Variants in PDE4D observed in about 807,000 individuals in gnomAD.
PDE4D encodes phosphodiesterase 4D.
In PDE4D, 24 loss-of-function variants were observed where a neutral mutation model predicts 87.4. The observed-to-expected ratio is 0.27, with a 90% confidence interval of 0.20 to 0.39. PDE4D has a LOEUF of 0.39. Ranked by LOEUF, PDE4D falls within the 10% of genes least tolerant of loss-of-function variation. PDE4D has a pLI of 1.00. For missense variants in PDE4D, 714 were observed against 1,041.0 expected, an observed-to-expected ratio of 0.69 and a Z score of 4.32; for synonymous variants, 384 against 383.2, an observed-to-expected ratio of 1.00 and a Z score of -0.02.
chr5:59,680,408 A>G (rs1223586823), intron 1 of PDE4D, among the ~76,000 whole-genome samples: 4 of 152,164 alleles, frequency 2.6e-5, no homozygotes, highest in Non-Finnish European at 5.9e-5. Context: ...AAATGGTGCT[A>G]GAGATTTCTT....
chr5:60,120,765 A>C (rs1778604205), intron 2 of PDE4D, among the ~76,000 whole-genome samples: 1 of 152,158 alleles, frequency 6.6e-6, no homozygotes, highest in Non-Finnish European at 1.5e-5. Context: ...AACCTGCAGC[A>C]ACGGTTGGGT....
intron 3 of PDE4D, among the ~76,000 whole-genome samples, chr5:59,961,462 C>T (rs138821847): frequency 6.6e-6 from 1 of 152,090 alleles, no homozygotes; most frequent in Non-Finnish European, 1.5e-5. Context: ...CCCTACAGCA[C>T]CTTGATTTTG....
intron 4 of PDE4D, among the ~76,000 whole-genome samples, chr5:59,183,394 T>C (rs72764091): frequency 0.058 from 8,861 of 152,262 alleles, 342 homozygotes; most frequent in Middle Eastern, 0.095. Flanking sequence ...GTATGTCAGC[T>C]GAAAACTTCT....
intron 1 of PDE4D, among the ~76,000 whole-genome samples, chr5:60,395,346 T>C (rs534261206): frequency 2.6e-5 from 4 of 152,262 alleles, no homozygotes; most frequent in Non-Finnish European, 5.9e-5. Context: ...TTATTTAAGA[T>C]GGCCCATTCA....
At chr5:59,185,444 C>T (rs1259197294) in intron 3 of PDE4D, among the ~76,000 whole-genome samples, 182 bp from the exon 4 acceptor site, 1 of 152,138 alleles carries the variant, frequency 6.6e-6, no homozygotes, top group Non-Finnish European at 1.5e-5. Flanking sequence ...GGCCAGACTG[C>T]AGAAATTTTC....
chr5:59,103,733 C>A (rs1203186968), intron 5 of PDE4D, among the ~76,000 whole-genome samples: 4 of 152,192 alleles, frequency 2.6e-5, no homozygotes, highest in Non-Finnish European at 5.9e-5. Flanking sequence ...TGGAACAGAT[C>A]ATTAGACTGA....
chr5:60,264,785 C>T (rs767867557), intron 1 of PDE4D, among the ~76,000 whole-genome samples: 1 of 152,108 alleles, frequency 6.6e-6, no homozygotes, highest in African/African-American at 2.4e-5. Flanking sequence ...ACGTGCACAC[C>T]CTGCTCACAC....
At chr5:59,541,803 TTCCTGAAAGAA>T (rs1372994975) in intron 1 of PDE4D, among the ~76,000 whole-genome samples, 1 of 152,170 alleles carries the variant, frequency 6.6e-6, no homozygotes, top group Non-Finnish European at 1.5e-5. Flanking sequence ...TCAGCCTGAG[TTCCTGAAAGAA>T]TCCTGCCAGG....
At chr5:60,438,070 A>G (rs1744902325) in intron 1 of PDE4D, among the ~76,000 whole-genome samples, 1 of 152,138 alleles carries the variant, frequency 6.6e-6, no homozygotes, top group African/African-American at 2.4e-5. Flanking sequence ...ATGCCCTATA[A>G]ATTTAACAGA....
rs748923956 is a variant in PDE4D, at chr5:60,337,351, C to CTATATATATA, written c.-90+150581_-90+150590dup. Among the ~76,000 whole-genome samples, 454 of 62,138 alleles carry CTATATATATA rather than the reference C, an allele frequency of 7.3e-3. 7 individuals are homozygous for CTATATATATA. Among genetic ancestry groups the CTATATATATA allele is most frequent in the Non-Finnish European group, 0.01 (303 of 29,944 alleles). 40.8% of individuals were successfully genotyped at this position (62,138 alleles called of 152,430 possible). Reference sequence around the variant, plus strand: ...TTGTCTCAAAAAACAAACAAACAAACTATATATATATATATATATATATAT... The same window carrying CTATATATATA: ...TTGTCTCAAAAAACAAACAAACAAACTATATATATATATATATATATATATATATATATAT... On this transcript the variant is annotated intron_variant, in intron 1 of 16. Transcript: ENST00000502484.
At chr5:59,689,931 A>C (rs1321639236) in intron 1 of PDE4D, among the ~76,000 whole-genome samples, 2 of 152,150 alleles carry the variant, frequency 1.3e-5, no homozygotes, top group African/African-American at 4.8e-5. Context: ...CCAATAACAG[A>C]CAAACAGCCA....
chr5:60,477,441 T>G (rs1202594564), intron 1 of PDE4D, among the ~76,000 whole-genome samples: 2 of 152,210 alleles, frequency 1.3e-5, no homozygotes, highest in Non-Finnish European at 2.9e-5. Flanking sequence ...TGCTGAAAAG[T>G]AACCAGGTAA....
At chr5:59,428,169 C>T (rs899569390) in intron 1 of PDE4D, among the ~76,000 whole-genome samples, 2 of 151,954 alleles carry the variant, frequency 1.3e-5, no homozygotes, top group African/African-American at 4.8e-5. Flanking sequence ...GAATTATTTC[C>T]CTGTTTTCCA....
rs191597440 is a variant in PDE4D, at chr5:59,344,943, A to C, written c.456-128975T>G. ...TCTAATAATTAATGATCACATTTTGACATGGTACAAACTGAACCAGGTCAA... is the reference window on the plus strand; with the variant it reads ...TCTAATAATTAATGATCACATTTTGCCATGGTACAAACTGAACCAGGTCAA... On this transcript the variant is annotated intron_variant, in intron 1 of 14. Coordinates refer to ENST00000340635, the MANE Select transcript of PDE4D (RefSeq NM_001104631.2). Among the ~76,000 whole-genome samples, 13 of 152,296 alleles carry C rather than the reference A, an allele frequency of 8.5e-5. No individual in the cohort carries two copies. In the East Asian group the frequency reaches 2.3e-3, roughly 27 times the overall value.
intron 1 of PDE4D, among the ~76,000 whole-genome samples, chr5:60,312,931 G>A (rs531406334): frequency 1.3e-5 from 2 of 152,236 alleles, no homozygotes; most frequent in East Asian, 3.9e-4. Flanking sequence ...TTAAAGCAGT[G>A]TTAAGAGGAA....
rs958779340 is a variant in PDE4D at position 59,971,972 on chromosome 5, G to A, written c.272+16516C>T. Among the ~76,000 whole-genome samples, 15 of 152,296 alleles carry A rather than the reference G, an allele frequency of 9.8e-5. No individual in the cohort carries two copies. The South Asian group carries it at 2.3e-3, about 23-fold the overall frequency. On this transcript the variant is annotated intron_variant, in intron 3 of 16. Coordinates refer to the PDE4D transcript ENST00000502484. Reference sequence around the variant, plus strand: ...GAGCAGAATCCAGTGAAGATAATAAGCAGCTGGGAGGCTGGATCAGTCTGC... The same window carrying A: ...GAGCAGAATCCAGTGAAGATAATAAACAGCTGGGAGGCTGGATCAGTCTGC...
At chr5:60,196,360 A>G (rs1741217929) in intron 1 of PDE4D, among the ~76,000 whole-genome samples, 1 of 151,766 alleles carries the variant, frequency 6.6e-6, no homozygotes, top group Non-Finnish European at 1.5e-5. Flanking sequence ...GGACCTTCTC[A>G]TTAATATTGC....
intron 1 of PDE4D, among the ~76,000 whole-genome samples, chr5:59,226,442 A>G (rs1263894640): frequency 6.6e-6 from 1 of 152,150 alleles, no homozygotes; most frequent in African/African-American, 2.4e-5. Context: ...GATTTAAAGT[A>G]GTTGAACTCA....
In PDE4D at chr5:60,095,944, T is replaced by C. The variant is rs566957267; in HGVS notation, c.42+89613A>G. 5.9e-5 allele frequency among the ~76,000 whole-genome samples: 9 copies of C among 152,170 alleles called. No homozygotes were observed. The South Asian group carries it at 1.9e-3, about 31-fold the overall frequency. ...ACCCTCTTTTTAATGGGGTTCTTTGTTTTTCTTCTTGTAAATTTGTTTAAG... is the reference window on the plus strand; with the variant it reads ...ACCCTCTTTTTAATGGGGTTCTTTGCTTTTCTTCTTGTAAATTTGTTTAAG... On this transcript the variant is annotated intron_variant, in intron 2 of 16. Transcript: ENST00000502484.
Sources: gnomAD v4.1 joint callset for allele counts (sites outside exome capture counted in the v4.1 genomes callset) on GRCh38, gnomAD v4.1.1 for gene constraint, MANE v1.5 for transcripts, NCBI Gene and HGNC (gene_info 2026-07-23, HGNC 2026-07-21) for gene names.